TP53BP2: variants seen among roughly 807,000 people sequenced by gnomAD.
The protein encoded by TP53BP2 is tumor protein p53 binding protein 2.
In TP53BP2, 62 loss-of-function variants were observed where a neutral mutation model predicts 126.2. The observed-to-expected ratio is 0.49, with a 90% CI of 0.40 to 0.61. The LOEUF is 0.61. Ranked by LOEUF, TP53BP2 falls within the 20% of genes least tolerant of loss-of-function variation. TP53BP2 has a pLI of 0.00. For missense variants in TP53BP2, 1,215 were observed against 1,402.8 expected, an observed-to-expected ratio of 0.87 and a Z score of 2.14; for synonymous variants, 485 against 502.9, an observed-to-expected ratio of 0.96 and a Z score of 0.48.
intron 1 of TP53BP2, among the ~76,000 whole-genome samples, chr1:223,829,393 A>T (rs993357372): frequency 6.6e-6 from 1 of 152,202 alleles, no homozygotes; most frequent in African/African-American, 2.4e-5. Context: ...AATGAAAAAG[A>T]TGATTATGAA....
intron 1 of TP53BP2, among the ~76,000 whole-genome samples, chr1:223,829,070 T>G (rs6662031): frequency 0.095 from 14,507 of 152,054 alleles, 758 homozygotes; most frequent in African/African-American, 0.14. Context: ...CTCACACCTA[T>G]AATCCCAGCA....
At chr1:223,794,152 G>C (rs1317592407) in intron 13 of TP53BP2, among the ~76,000 whole-genome samples, 7 of 150,870 alleles carry the variant, frequency 4.6e-5, no homozygotes, top group African/African-American at 9.8e-5. Context: ...TAATGAATCG[G>C]ACTTAAAAAA....
intron 16 of TP53BP2, among the ~76,000 whole-genome samples, chr1:223,786,721 C>A (rs1484066579): frequency 2.6e-5 from 4 of 151,468 alleles, no homozygotes; most frequent in African/African-American, 9.7e-5. Context: ...ATTCTCCTGC[C>A]TCGGCCTCCC....
Position 223,803,445 on chromosome 1 carries a change from T to C in TP53BP2, c.657A>G (p.Glu219=), listed in dbSNP as rs199663682. The C allele has an allele frequency of 1.2e-6, 2 of 1,611,302 alleles. No homozygotes were observed. The highest frequency in any genetic ancestry group is 1.7e-6 in the Non-Finnish European group (2 of 1,178,532). Residue 219 remains glutamate (E), a synonymous_variant, in exon 7 of 18, where the codon GAA becomes GAG. Transcript: ENST00000343537. ...KRLSNGKLVE[E]IEQMNNLFQQ... is the part of the protein sequence containing the mutation. The stretch of plus-strand genomic sequence containing the variant: ...GGAACAAATTATTCATCTGTTCAAT[T>C]TCCTCCACTAGATGAGACAGAGAAC...
At chr1:223,789,343 A>G (rs905017887) in intron 15 of TP53BP2, among the ~76,000 whole-genome samples, 169 bp from the exon 16 acceptor site, 1 of 152,240 alleles carries the variant, frequency 6.6e-6, no homozygotes, top group Non-Finnish European at 1.5e-5. Context: ...TGAACCCATC[A>G]AAGAATTACA....
intron 9 of TP53BP2, 67 bp from the exon 10 acceptor site, chr1:223,800,877 C>T (rs1210255575): frequency 8.6e-7 from 1 of 1,163,056 alleles, no homozygotes; most frequent in Non-Finnish European, 1.2e-6. Context: ...ATTTTTACTG[C>T]TAAGACTTTT....
At chr1:223,839,012 C>CTTT (rs75469632) in intron 1 of TP53BP2, among the ~76,000 whole-genome samples, 1 of 140,728 alleles carries the variant, frequency 7.1e-6, no homozygotes, top group African/African-American at 2.6e-5. Flanking sequence ...CCATTTTTTT[C>CTTT]TTTTTTTTTT....
In TP53BP2 at chr1:223,799,903, G is replaced by A. The variant is rs143699777; in HGVS notation, c.1481C>T (p.Ala494Val). The A allele has an allele frequency of 2.0e-4, 311 of 1,583,258 alleles. 1 individual carries two copies. The highest frequency in any genetic ancestry group is 2.5e-4 in the Non-Finnish European group (294 of 1,170,810). ...AACCAGGATATTTGTAGGTACCTGA[G>A]CATCCCGCAAGATATCTTCACTGCT... is the stretch of plus-strand genomic sequence containing the variant. ...NQSSEDILRD[A>V]QVANKNVAKV... The change falls in exon 11 of 18, where the codon GCT (alanine) becomes GTT (valine). Residue 494 changes from alanine to valine, a missense_variant. By Grantham distance (64) the Ala-to-Val change is moderately conservative. Transcript: ENST00000343537.
chr1:223,833,962 C>T (rs1246905070), intron 1 of TP53BP2, among the ~76,000 whole-genome samples: 3 of 152,088 alleles, frequency 2.0e-5, no homozygotes, highest in Non-Finnish European at 4.4e-5. Context: ...GGAAAGACAC[C>T]TCAGGGTGAA....
intron 1 of TP53BP2, among the ~76,000 whole-genome samples, chr1:223,838,708 T>C (rs1198220421): frequency 6.6e-6 from 1 of 152,212 alleles, no homozygotes; most frequent in African/African-American, 2.4e-5. Context: ...CGCAATTACT[T>C]TTGCACCAAC....
chr1:223,816,902 G>A (rs1382495964), intron 2 of TP53BP2, among the ~76,000 whole-genome samples: 1 of 150,274 alleles, frequency 6.7e-6, no homozygotes, highest in Non-Finnish European at 1.5e-5. Context: ...GCTCACACCT[G>A]TAATCCCAAC....
chr1:223,825,230 G>A (rs1175748940), intron 1 of TP53BP2, among the ~76,000 whole-genome samples: 1 of 152,092 alleles, frequency 6.6e-6, no homozygotes, highest in Non-Finnish European at 1.5e-5. Context: ...ACTGTGCTTG[G>A]TGTGTAACAA....
In TP53BP2 at chr1:223,779,902, T is replaced by C. The variant is rs1426139419; in HGVS notation, c.*951A>G. ...GTAAAGTAGGCTTCTATCACCATGA[T>C]CTCTACAGTATTTTATTTTAAAAAC... On this transcript the variant is annotated 3_prime_UTR_variant, in exon 18 of 18. Transcript: ENST00000343537. The C allele has an allele frequency of 6.6e-6, 1 of 152,254 alleles. No individual in the cohort carries two copies. Among genetic ancestry groups the C allele is most frequent in the East Asian group, 1.9e-4 (1 of 5,206 alleles). 9.4% of individuals were successfully genotyped at this position (152,254 alleles called of 1,614,324 possible). A position where few individuals can be genotyped will look rare whatever the true frequency, so the allele number is the denominator to read the frequency against.
chr1:223,834,237 TCAGA>T (rs1412812480), intron 1 of TP53BP2, among the ~76,000 whole-genome samples: 45 of 152,316 alleles, frequency 3.0e-4, no homozygotes, highest in African/African-American at 1.1e-3. Context: ...CATGCAATTC[TCAGA>T]CAAACAGCAT....
intron 1 of TP53BP2, among the ~76,000 whole-genome samples, chr1:223,841,475 T>C (rs1197497052): frequency 6.6e-6 from 1 of 152,152 alleles, no homozygotes; most frequent in Non-Finnish European, 1.5e-5. Flanking sequence ...AAATAAAATG[T>C]TCCAAATACA....
intron 1 of TP53BP2, among the ~76,000 whole-genome samples, chr1:223,831,760 T>TAA (rs11327599): frequency 6.6e-5 from 8 of 121,592 alleles, no homozygotes; most frequent in African/African-American, 1.3e-4. Flanking sequence ...GAAGGAAAGA[T>TAA]AAAAAAAAAA....
chr1:223,797,793 T>C (rs1241509172), intron 12 of TP53BP2, among the ~76,000 whole-genome samples: 1 of 151,776 alleles, frequency 6.6e-6, no homozygotes, highest in African/African-American at 2.4e-5. Context: ...TGTGTGTGTG[T>C]ATATATATCT....
intron 2 of TP53BP2, chr1:223,818,346 A>T (rs1440506998): frequency 1.3e-5 from 2 of 151,954 alleles, no homozygotes; most frequent in African/African-American, 4.8e-5. Context: ...TACTAAAAAT[A>T]CAAAAAAAAT....
Position 223,802,113 on chromosome 1 carries a change from T to TA in TP53BP2, c.1225+2dup. 1 of 1,614,028 alleles carries TA rather than the reference T, an allele frequency of 6.2e-7. No homozygotes were observed. On this transcript the variant is annotated splice_region_variant and intron_variant, in intron 9 of 17. Transcript: ENST00000343537. The stretch of plus-strand genomic sequence containing the variant: ...AAGAACTAGGCTGTGCAGGACTTTT[T>TA]ACCTTTAGTTTGTGAAGCAGCCCCA...
Sources: allele counts gnomAD v4.1 joint callset (sites outside exome capture counted in the v4.1 genomes callset), GRCh38; gene constraint gnomAD v4.1.1; transcripts MANE v1.5; gene names NCBI Gene and HGNC (gene_info 2026-07-23, HGNC 2026-07-21).